The following SLC49A3 variants were observed in gnomAD, a reference collection of about 807,000 sequenced individuals.
SLC49A3 encodes the protein solute carrier family 49 member 3.
A neutral mutation model predicts 43.8 loss-of-function variants in SLC49A3; 50 were observed. That is an observed-to-expected ratio of 1.14 (90% CI 0.91 to 1.45). SLC49A3 has a LOEUF of 1.45. Among genes scored for constraint, SLC49A3 ranks in the 40% most tolerant of loss-of-function variants. SLC49A3 has a pLI of 0.00. For synonymous variants in SLC49A3, 413 were observed against 352.0 expected, an observed-to-expected ratio of 1.17 and a Z score of -1.94; for missense variants, 906 against 774.1, an observed-to-expected ratio of 1.17 and a Z score of -2.02.
chr4:688,430 A>G (rs191950123), intron 1 of SLC49A3, among the ~76,000 whole-genome samples: 2 of 152,206 alleles, frequency 1.3e-5, no homozygotes, highest in East Asian at 3.9e-4. Flanking sequence ...TGCCAACTCT[A>G]GCTGTTCATT....
In SLC49A3 at chr4:686,210, G is replaced by C. The variant is rs773107039; in HGVS notation, c.387C>G (p.Leu129=). ...VVGTQNPFAF[L]MGGQSLCALA... ...GGGCACAGAGGCTCTGGCCACCCAT[G>C]AGGAAGGCAAATGGGTTTTGGGTCC... Residue 129 remains leucine (L), a synonymous_variant, in exon 3 of 10, where the codon CTC becomes CTG. Coordinates refer to ENST00000322224, the MANE Select transcript of SLC49A3 (RefSeq NM_032219.4). The C allele has an allele frequency of 1.9e-6, 3 of 1,613,530 alleles. No homozygotes were observed. In the Admixed American group the frequency reaches 5.0e-5, roughly 27 times the overall value.
At chr4:678,889 AC>A, downstream of SLC49A3, 1 of 1,606,696 alleles carries the variant, frequency 6.2e-7, no homozygotes. Flanking sequence ...GTGCTGAGGA[AC>A]CGGGAGCAGG....
downstream of SLC49A3, among the ~76,000 whole-genome samples, chr4:681,433 G>A (rs1310976966): frequency 6.6e-6 from 1 of 151,242 alleles, no homozygotes; most frequent in Non-Finnish European, 1.5e-5. Flanking sequence ...GCGGTCCGGA[G>A]CCGCCCCCCA....
At chr4:679,970 C>A, downstream of SLC49A3, 1 of 1,613,638 alleles carries the variant, frequency 6.2e-7, no homozygotes, top group South Asian at 1.1e-5. Context: ...GGCCTCGGGG[C>A]CCATCAACTT....
At chr4:678,224 T>C (rs1159760157), downstream of SLC49A3, 3 of 1,496,280 alleles carry the variant, frequency 2.0e-6, no homozygotes, top group African/African-American at 1.4e-5. Flanking sequence ...GTGTGGGCTG[T>C]GCTGTGTTGT....
At chr4:686,462 G>A (rs535045192) in intron 2 of SLC49A3, 70 bp downstream of exon 2, 1 of 1,572,758 alleles carries the variant, frequency 6.4e-7, no homozygotes, top group Admixed American at 1.8e-5. Context: ...GGGAGGCCTT[G>A]ACTCTCCTAC....
intron 6 of SLC49A3, 38 bp downstream of exon 6, chr4:684,445 G>A (rs780544194): frequency 8.1e-6 from 13 of 1,609,082 alleles, no homozygotes; most frequent in Non-Finnish European, 1.1e-5. Flanking sequence ...TGGGGCGGAT[G>A]ACAGAGGCAG....
At position 685,844 on chromosome 4, in the gene SLC49A3, A is replaced by G. The variant is rs770127536; in HGVS notation, c.576T>C (p.Ile192=). ...SPVLVKKGED[I]PLMLGVYTIP... ...TCTCATGACCCCTCACCATTAACGGAATGTCCTCACCCTTCTTGACCAGCA... is the reference window on the plus strand; with the variant it reads ...TCTCATGACCCCTCACCATTAACGGGATGTCCTCACCCTTCTTGACCAGCA... Residue 192 remains isoleucine (I), a synonymous_variant, in exon 4 of 10, where the codon ATT becomes ATC. Transcript: ENST00000322224. This position sits in a 1 kb window ranked among gnomAD's most constrained non-coding sequence, Gnocchi z 4.3. The G allele has an allele frequency of 1.5e-5, 24 of 1,613,794 alleles. No individual in the cohort carries two copies. In the South Asian group the frequency reaches 2.6e-4, roughly 18 times the overall value.
downstream of SLC49A3, chr4:676,885 A>G: frequency 1.0e-6 from 1 of 985,296 alleles, no homozygotes; most frequent in Non-Finnish European, 1.2e-6. Context: ...CAACCTCAGG[A>G]GTCAGTGCTT....
chr4:686,752 C>T, intron 1 of SLC49A3, 62 bp from the exon 2 acceptor site: 2 of 1,561,918 alleles, frequency 1.3e-6, no homozygotes, highest in South Asian at 2.3e-5. Context: ...TGCTGTGGCC[C>T]CAGCCAGCCC....
chr4:680,049 C>G (rs752301153), downstream of SLC49A3: 2 of 1,514,036 alleles, frequency 1.3e-6, no homozygotes, highest in Non-Finnish European at 1.8e-6. Flanking sequence ...CCTGGCCCTC[C>G]TAGCTAATTC....
At position 683,732 on chromosome 4, in the gene SLC49A3, G is replaced by A. The variant is rs1413108871; in HGVS notation, c.870C>T (p.Phe290=). ...SGFSGLCGAL[F]ITFGILGALA... ...GTGCCCCCAGGATCCCAAACGTGATGAAGAGAGCGCCACAGAGGCCGGAAA... is the reference window on the plus strand; with the variant it reads ...GTGCCCCCAGGATCCCAAACGTGATAAAGAGAGCGCCACAGAGGCCGGAAA... Residue 290 remains phenylalanine (F), a synonymous_variant, in exon 7 of 10, where the codon TTC becomes TTT. Coordinates refer to ENST00000322224, the MANE Select transcript of SLC49A3 (RefSeq NM_032219.4). 3 of 1,582,698 alleles carry A rather than the reference G, an allele frequency of 1.9e-6. No individual in the cohort carries two copies. The highest frequency in any genetic ancestry group is 2.6e-6 in the Non-Finnish European group (3 of 1,164,144).
chr4:686,885 T>C lies in SLC49A3; in HGVS notation c.136-195A>G, dbSNP rs955325728. Among the ~76,000 whole-genome samples the C allele has an allele frequency of 7.9e-5, 12 of 152,014 alleles. No individual in the cohort carries two copies. The East Asian group carries it at 2.3e-3, about 30-fold the overall frequency. Reference sequence around the variant, plus strand: ...CCGAGGGCGGGCACCCAGCGCAGGGTCAGAGAGCATGCCCTGACCGGGGAC... The same window carrying C: ...CCGAGGGCGGGCACCCAGCGCAGGGCCAGAGAGCATGCCCTGACCGGGGAC... On this transcript the variant is annotated intron_variant, in intron 1 of 9. Coordinates refer to ENST00000322224, the MANE Select transcript of SLC49A3 (RefSeq NM_032219.4).
chr4:678,566 C>A, downstream of SLC49A3: 2 of 1,514,844 alleles, frequency 1.3e-6, no homozygotes, highest in Non-Finnish European at 1.8e-6. Context: ...GAGGTCCACC[C>A]TTCATCTGAG....
downstream of SLC49A3, among the ~76,000 whole-genome samples, chr4:677,197 G>T (rs1738929833): frequency 6.6e-6 from 1 of 152,180 alleles, no homozygotes; most frequent in Non-Finnish European, 1.5e-5. Flanking sequence ...CACTCAGCCT[G>T]TAGGCCTCCT....
chr4:688,243 CG>C (rs1741433333), intron 1 of SLC49A3, among the ~76,000 whole-genome samples: 1 of 152,116 alleles, frequency 6.6e-6, no homozygotes, highest in Non-Finnish European at 1.5e-5. Context: ...CAGCAGATCC[CG>C]GGCCTGTCTC....
upstream of SLC49A3, among the ~76,000 whole-genome samples, chr4:690,520 C>T (rs1220732871): frequency 1.3e-5 from 2 of 152,342 alleles, no homozygotes; most frequent in East Asian, 3.9e-4. Context: ...GGCCTAGGGC[C>T]TTCAACATCC....
rs756620651 is a variant in SLC49A3 at position 682,834 on chromosome 4, G to A, written c.1208C>T (p.Ser403Leu). The change falls in exon 9 of 10, where the codon TCG becomes TTG. Residue 403 changes from serine to leucine, a missense_variant. Ser to Leu is a moderately radical substitution (Grantham distance 145). Coordinates refer to ENST00000322224, the MANE Select transcript of SLC49A3 (RefSeq NM_032219.4). Reference protein sequence around the residue: ...LAMTALTVRRSEPSLSTCQQG... With the variant: ...LAMTALTVRRLEPSLSTCQQG... Reference sequence around the variant, plus strand: ...CTGGCAGGTGGACAAGGACGGCTCCGAGCGTCGCACAGTCAGTGCCGTCAT... The same window carrying A: ...CTGGCAGGTGGACAAGGACGGCTCCAAGCGTCGCACAGTCAGTGCCGTCAT... 6.2e-6 allele frequency: 10 copies of A among 1,605,312 alleles called. No individual in the cohort carries two copies. The highest frequency in any genetic ancestry group is 2.7e-5 in the African/African-American group (2 of 74,830).
chr4:678,629 G>T, downstream of SLC49A3: 1 of 1,585,668 alleles, frequency 6.3e-7, no homozygotes, highest in Non-Finnish European at 8.6e-7. Context: ...GCCAGCCCAG[G>T]ACCCTCAGCC....
Sources: gnomAD v4.1 joint callset for allele counts (sites outside exome capture counted in the v4.1 genomes callset) on GRCh38, gnomAD v4.1.1 for gene constraint, Gnocchi (gnomAD v3.1) non-coding constraint, MANE v1.5 for transcripts, NCBI Gene and HGNC (gene_info 2026-07-23, HGNC 2026-07-21) for gene names.